STPG2: variants seen among roughly 807,000 people sequenced by gnomAD.
STPG2 encodes sperm-tail PG-rich repeat-containing protein 2.
STPG2 carries 56 observed loss-of-function variants against 54.2 expected under a neutral mutation model. That is an observed-to-expected ratio of 1.03 (90% confidence interval 0.83 to 1.29). The LOEUF (loss-of-function observed/expected upper bound fraction) is 1.29, where lower values mean the gene tolerates loss of function less well. Among genes scored for constraint, STPG2 ranks in the 50% most tolerant of loss-of-function variants. STPG2 has a pLI of 0.00. For synonymous variants in STPG2, 200 were observed against 181.8 expected, an observed-to-expected ratio of 1.10 and a Z score of -0.81; for missense variants, 596 against 544.9, an observed-to-expected ratio of 1.09 and a Z score of -0.93.
chr4:97,569,116 T>C (rs887238516), intron 10 of STPG2, among the ~76,000 whole-genome samples: 2 of 152,150 alleles, frequency 1.3e-5, no homozygotes, highest in African/African-American at 4.8e-5. Flanking sequence ...TTGTAGTTAT[T>C]TCTTGATTAT....
At chr4:97,922,605 G>C (rs1220446275) in intron 8 of STPG2, among the ~76,000 whole-genome samples, 2 of 152,218 alleles carry the variant, frequency 1.3e-5, no homozygotes, top group Non-Finnish European at 2.9e-5. Context: ...GGGGTGAAAT[G>C]TATGAAATTT....
chr4:97,846,422 C>T (rs1489843246), intron 8 of STPG2, among the ~76,000 whole-genome samples: 3 of 151,720 alleles, frequency 2.0e-5, no homozygotes, highest in East Asian at 1.9e-4. Context: ...ATCAGGAGTT[C>T]GAGACCAGCC....
At chr4:97,979,018 G>C (rs145317870) in intron 6 of STPG2, among the ~76,000 whole-genome samples, 1 of 152,082 alleles carries the variant, frequency 6.6e-6, no homozygotes, top group African/African-American at 2.4e-5. Context: ...AATAGACAAA[G>C]GTGACACAAA....
chr4:97,614,515 G>T (rs945876186), intron 10 of STPG2, among the ~76,000 whole-genome samples: 1 of 152,070 alleles, frequency 6.6e-6, no homozygotes, highest in South Asian at 2.1e-4. Flanking sequence ...TTACACAGAT[G>T]TTATCAGTCT....
At chr4:97,899,101 G>C (rs1731070059) in intron 8 of STPG2, among the ~76,000 whole-genome samples, 2 of 151,724 alleles carry the variant, frequency 1.3e-5, no homozygotes, top group Non-Finnish European at 3.0e-5. Context: ...AGCTCCTTCA[G>C]CTAATAAACA....
At chr4:98,140,245 G>A (rs2110173052) in intron 1 of STPG2, among the ~76,000 whole-genome samples, 1 of 152,300 alleles carries the variant, frequency 6.6e-6, no homozygotes, top group African/African-American at 2.4e-5. Flanking sequence ...CTGAAATGTA[G>A]GTCAGGTGGA....
chr4:97,855,848 T>C (rs1189469345), intron 8 of STPG2, among the ~76,000 whole-genome samples: 1 of 152,168 alleles, frequency 6.6e-6, no homozygotes, highest in Non-Finnish European at 1.5e-5. Flanking sequence ...TTGAATATGA[T>C]GTAAGAAAAA....
intron 9 of STPG2, among the ~76,000 whole-genome samples, chr4:97,740,351 A>T (rs1264176678): frequency 6.6e-6 from 1 of 152,168 alleles, no homozygotes; most frequent in Non-Finnish European, 1.5e-5. Context: ...ATAGTGTTGG[A>T]AGTTCTGGCC....
intron 10 of STPG2, among the ~76,000 whole-genome samples, chr4:97,646,822 C>T (rs1721926397): frequency 1.3e-5 from 2 of 152,080 alleles, no homozygotes; most frequent in African/African-American, 4.8e-5. Context: ...GTGGCCATCA[C>T]TAAGTAATGC....
chr4:97,606,841 A>G (rs1223354681), intron 10 of STPG2, among the ~76,000 whole-genome samples: 1 of 151,964 alleles, frequency 6.6e-6, no homozygotes, highest in African/African-American at 2.4e-5. Flanking sequence ...CTATAAATAC[A>G]ATTTACAAAG....
At chr4:97,796,440 T>C (rs1406796647) in intron 9 of STPG2, among the ~76,000 whole-genome samples, 5 of 152,158 alleles carry the variant, frequency 3.3e-5, no homozygotes, top group East Asian at 3.9e-4. Context: ...TTTCCCAGCA[T>C]CATTTATTAA....
intron 5 of STPG2, among the ~76,000 whole-genome samples, chr4:98,102,688 T>C (rs1159339300): frequency 1.3e-5 from 2 of 151,886 alleles, no homozygotes. Context: ...CCCCCCAAAA[T>C]TAAAATGTCT....
chr4:97,938,483 C>G (rs1390470398), intron 8 of STPG2, among the ~76,000 whole-genome samples: 1 of 44,180 alleles, frequency 2.3e-5, no homozygotes, highest in Admixed American at 2.3e-4. Context: ...AGCAGGCAGC[C>G]ACAGTGACGA....
intron 8 of STPG2, among the ~76,000 whole-genome samples, chr4:97,894,002 T>C (rs888876203): frequency 6.6e-6 from 1 of 152,002 alleles, no homozygotes; most frequent in Non-Finnish European, 1.5e-5. Flanking sequence ...TATGTTTTCT[T>C]CCGTGCCAAT....
chr4:97,448,381 G>T (rs959681038), intron 4 of STPG2, among the ~76,000 whole-genome samples: 1 of 152,012 alleles, frequency 6.6e-6, no homozygotes, highest in Non-Finnish European at 1.5e-5. Context: ...GATATGGTTT[G>T]GCTCTGTGTC....
chr4:97,990,619 CA>C (rs777615391), intron 5 of STPG2, among the ~76,000 whole-genome samples: 3 of 152,126 alleles, frequency 2.0e-5, no homozygotes, highest in Non-Finnish European at 4.4e-5. Flanking sequence ...TAAAGAACCA[CA>C]GACTGGCACA....
At chr4:97,779,968 T>A (rs1726548357) in intron 9 of STPG2, among the ~76,000 whole-genome samples, 1 of 151,418 alleles carries the variant, frequency 6.6e-6, no homozygotes, top group African/African-American at 2.4e-5. Flanking sequence ...TACCAGCCAC[T>A]GCAAAAACAT....
chr4:98,119,106 G>T (rs1739600271), intron 3 of STPG2, among the ~76,000 whole-genome samples: 1 of 151,952 alleles, frequency 6.6e-6, no homozygotes, highest in South Asian at 2.1e-4. Context: ...ATGAGAAATA[G>T]GTAAGAGTTT....
At chr4:97,660,587 A>T (rs573129531) in intron 10 of STPG2, among the ~76,000 whole-genome samples, 1 of 152,336 alleles carries the variant, frequency 6.6e-6, no homozygotes, top group African/African-American at 2.4e-5. Context: ...AAAAAATGGC[A>T]ATATTTCCAG....
Sources: allele counts gnomAD v4.1 joint callset (sites outside exome capture counted in the v4.1 genomes callset), GRCh38; gene constraint gnomAD v4.1.1; transcripts MANE v1.5; gene names NCBI Gene and HGNC (gene_info 2026-07-23, HGNC 2026-07-21).